SPATS2: variants seen among roughly 807,000 people sequenced by gnomAD.
The protein encoded by SPATS2 is spermatogenesis-associated serine-rich protein 2.
SPATS2 carries 38 observed loss-of-function variants against 63.7 expected under a neutral mutation model. That is an observed-to-expected ratio of 0.60 (90% CI 0.46 to 0.78). The LOEUF is 0.78. Among genes scored for constraint, SPATS2 ranks in the 30% least tolerant of loss-of-function variants. SPATS2 has a pLI of 0.00. For synonymous variants in SPATS2, 207 were observed against 232.9 expected (o/e 0.89, Z 1.01); for missense variants, 588 against 666.2 (o/e 0.88, Z 1.29).
intron 8 of SPATS2, among the ~76,000 whole-genome samples, chr12:49,497,913 G>T (rs970057624): frequency 1.2e-4 from 18 of 151,760 alleles, no homozygotes; most frequent in African/African-American, 4.4e-4. Flanking sequence ...ATAATACCCT[G>T]TGTTTCCTAT....
chr12:49,486,349 G>A (rs1318550315), intron 4 of SPATS2: 3 of 362,156 alleles, frequency 8.3e-6, no homozygotes, highest in South Asian at 3.9e-5. Flanking sequence ...GGGGATACAG[G>A]TGCGTGCCAC....
chr12:49,437,363 A>G (rs1230693558), intron 2 of SPATS2, among the ~76,000 whole-genome samples: 5 of 141,008 alleles, frequency 3.5e-5, no homozygotes, highest in South Asian at 2.4e-4. Context: ...CCAGGCAGAG[A>G]GGCTCCTCAC....
chr12:49,508,001 A>T (rs1946681649), intron 9 of SPATS2, among the ~76,000 whole-genome samples: 1 of 152,240 alleles, frequency 6.6e-6, no homozygotes, highest in South Asian at 2.1e-4. Context: ...ATATAACATT[A>T]TCACTTGTGG....
intron 3 of SPATS2, among the ~76,000 whole-genome samples, chr12:49,476,347 C>T (rs1228098916): frequency 8.5e-5 from 13 of 152,180 alleles, no homozygotes; most frequent in African/African-American, 2.9e-4. Context: ...AGGGAAAAAC[C>T]GTCTCCCTTC....
intron 2 of SPATS2, among the ~76,000 whole-genome samples, chr12:49,373,709 C>A (rs1944042289): frequency 6.6e-6 from 1 of 152,072 alleles, no homozygotes; most frequent in Non-Finnish European, 1.5e-5. Flanking sequence ...GGCGGATCAT[C>A]AGGTCAGGAG....
intron 2 of SPATS2, among the ~76,000 whole-genome samples, chr12:49,437,834 G>A (rs1212434008): frequency 6.6e-6 from 1 of 152,036 alleles, no homozygotes; most frequent in Non-Finnish European, 1.5e-5. Flanking sequence ...AGAGGGAGAG[G>A]GAGACCGTGG....
chr12:49,434,696 G>C (rs1302479410), intron 2 of SPATS2, among the ~76,000 whole-genome samples: 1 of 152,094 alleles, frequency 6.6e-6, no homozygotes, highest in Non-Finnish European at 1.5e-5. Context: ...CTAGGGATGT[G>C]GTCTGTGACC....
intron 2 of SPATS2, among the ~76,000 whole-genome samples, chr12:49,424,312 T>A (rs1354374832): frequency 6.6e-6 from 1 of 152,210 alleles, no homozygotes; most frequent in Admixed American, 6.5e-5. Context: ...TCAGCAGCCA[T>A]CTTCTTCTGA....
intron 2 of SPATS2, among the ~76,000 whole-genome samples, chr12:49,436,886 CG>C (rs1945312978): frequency 7.5e-6 from 1 of 134,020 alleles, no homozygotes; most frequent in South Asian, 2.6e-4. Context: ...CCCTCCCGGA[CG>C]GGGCGGCTGG....
intron 2 of SPATS2, among the ~76,000 whole-genome samples, chr12:49,396,214 TA>T (rs1458962439): frequency 6.6e-6 from 1 of 152,218 alleles, no homozygotes; most frequent in African/African-American, 2.4e-5. Context: ...GGAATGAAAA[TA>T]CCCCTCAAGA....
chr12:49,436,397 GGCT>G, intron 2 of SPATS2, among the ~76,000 whole-genome samples: 8 of 144,696 alleles, frequency 5.5e-5, no homozygotes, highest in African/African-American at 2.1e-4. Context: ...CCGGGTTGGG[GGCT>G]GACCCCCCCA....
At chr12:49,417,174 C>T (rs1354912343) in intron 2 of SPATS2, among the ~76,000 whole-genome samples, 1 of 152,126 alleles carries the variant, frequency 6.6e-6, no homozygotes, top group Non-Finnish European at 1.5e-5. Flanking sequence ...TCAGAGTAGG[C>T]TTAATGATGC....
intron 2 of SPATS2, among the ~76,000 whole-genome samples, chr12:49,438,592 G>A (rs1409695798): frequency 6.6e-6 from 1 of 152,024 alleles, no homozygotes; most frequent in Non-Finnish European, 1.5e-5. Flanking sequence ...GACCAAACTT[G>A]GTATTGTCTA....
chr12:49,490,716 A>G lies in SPATS2; in HGVS notation c.249A>G (p.Val83=). Residue 83 remains valine, a synonymous_variant, in exon 6 of 14, where the codon GTA becomes GTG. Transcript: ENST00000552918. ...GTGAAGTACTCAAAGAATGGACAGT[A>G]ACAGGCAAGAAAAAGGTAAAATGAA... is the stretch of plus-strand genomic sequence containing the variant. ...SASEVLKEWT[V]TGKKKNKKKK... is the part of the protein sequence containing the mutation. The G allele has an allele frequency of 6.2e-7, 1 of 1,614,006 alleles. No homozygotes were observed. Among genetic ancestry groups the G allele is most frequent in the African/African-American group, 1.3e-5 (1 of 75,054 alleles).
chr12:49,375,193 T>TGTG (rs1555177117), intron 2 of SPATS2, among the ~76,000 whole-genome samples: 33 of 79,154 alleles, frequency 4.2e-4, no homozygotes, highest in African/African-American at 1.4e-3. Flanking sequence ...TGTGTGTGTG[T>TGTG]GTGGTGGTAG....
intron 2 of SPATS2, among the ~76,000 whole-genome samples, chr12:49,436,118 C>T (rs1222516607): frequency 6.6e-6 from 1 of 151,998 alleles, no homozygotes; most frequent in African/African-American, 2.4e-5. Flanking sequence ...TCCACAAAAC[C>T]GCCATTGTCA....
intron 2 of SPATS2, among the ~76,000 whole-genome samples, chr12:49,456,992 C>G (rs531503694): frequency 6.6e-6 from 1 of 152,010 alleles, no homozygotes; most frequent in African/African-American, 2.4e-5. Flanking sequence ...CTGTTTCTTG[C>G]TATTTCTGAC....
At chr12:49,445,607 T>A (rs1332946930) in intron 2 of SPATS2, among the ~76,000 whole-genome samples, 7 of 152,090 alleles carry the variant, frequency 4.6e-5, no homozygotes, top group Admixed American at 4.6e-4. Context: ...AGCCTCAACC[T>A]CCCAGGTTCA....
chr12:49,479,197 G>T (rs565192285), intron 3 of SPATS2, among the ~76,000 whole-genome samples: 1 of 152,328 alleles, frequency 6.6e-6, no homozygotes, highest in African/African-American at 2.4e-5. Context: ...GGCCATGGGC[G>T]GGCCTGGAAA....
Sources: allele counts gnomAD v4.1 joint callset (sites outside exome capture counted in the v4.1 genomes callset), GRCh38; gene constraint gnomAD v4.1.1; transcripts MANE v1.5; gene names NCBI Gene and HGNC (gene_info 2026-07-23, HGNC 2026-07-21).